The following FGF13 variants were observed in gnomAD, a reference collection of about 807,000 sequenced individuals.
FGF13 encodes the protein fibroblast growth factor homologous factor 2.
Under a neutral mutation model 19.5 loss-of-function variants are expected in FGF13, and 2 were observed. That is an observed-to-expected ratio of 0.10 (90% CI 0.04 to 0.32). The LOEUF is 0.32. FGF13 is among the 10% of genes least tolerant of loss of function. FGF13 has a pLI of 1.00. For missense variants in FGF13, 113 were observed against 192.7 expected, an observed-to-expected ratio of 0.59 and a Z score of 2.45; for synonymous variants, 72 against 76.9, an observed-to-expected ratio of 0.94 and a Z score of 0.33.
chrX:138,816,522 T>C (rs2090962673), intron 3 of FGF13, among the ~76,000 whole-genome samples: 1 of 112,879 alleles, frequency 8.9e-6, no homozygotes, highest in Non-Finnish European at 1.9e-5. Flanking sequence ...AGGCTACTTA[T>C]TGCAGCATTT....
chrX:138,724,116 T>C lies in FGF13; in HGVS notation c.28+15126A>G, dbSNP rs769144706. ...CGGAGCTTACTTTCCATCCAATATTTTGATTTTCTGGAAGACAGAAATAAG... is the reference window on the plus strand; with the variant it reads ...CGGAGCTTACTTTCCATCCAATATTCTGATTTTCTGGAAGACAGAAATAAG... On this transcript the variant is annotated intron_variant, in intron 1 of 4. Coordinates refer to the FGF13 transcript ENST00000305414. 7.6e-4 allele frequency among the ~76,000 whole-genome samples: 85 copies of C among 111,925 alleles called. 2 individuals carry two copies. The highest frequency in any genetic ancestry group is 1.5e-3 in the South Asian group (4 of 2,714).
At chrX:139,028,612 TGTGTGAGAGAGAGAGAGAGAGA>T (rs1382956800) in intron 1 of FGF13, among the ~76,000 whole-genome samples, 2 of 54,052 alleles carry the variant, frequency 3.7e-5, no homozygotes, top group East Asian at 7.4e-4. Flanking sequence ...TGTGTGTGTG[TGTGTGAGAGAGAGAGAGAGAGA>T]GTGTGTGTGT....
At position 138,730,761 on chromosome X, in the gene FGF13, C is replaced by T. The variant is rs191295231; in HGVS notation, c.28+8481G>A. ...AATTACAATAAAATGGACTGAAAAACGAAATAAAAGTCAGAATTTGGGAGC... is the reference window on the plus strand; with the variant it reads ...AATTACAATAAAATGGACTGAAAAATGAAATAAAAGTCAGAATTTGGGAGC... On this transcript the variant is annotated intron_variant, in intron 1 of 4. Transcript: ENST00000305414. 2.2e-3 allele frequency among the ~76,000 whole-genome samples: 239 copies of T among 110,725 alleles called. 1 individual carries two copies. Among genetic ancestry groups the T allele is most frequent in the Non-Finnish European group, 3.9e-3 (206 of 52,588 alleles).
chrX:138,747,540 T>C (rs751851633), intron 3 of FGF13, among the ~76,000 whole-genome samples: 47 of 111,799 alleles, frequency 4.2e-4, no homozygotes, highest in Non-Finnish European at 8.1e-4. Flanking sequence ...GGAATAAACA[T>C]ACTAATTTGC....
Position 138,641,369 on chromosome X carries a change from T to C in FGF13, c.403-5714A>G, listed in dbSNP as rs181726381. 4.5e-5 allele frequency among the ~76,000 whole-genome samples: 5 copies of C among 111,816 alleles called. No individual in the cohort carries two copies. In the Admixed American group the frequency reaches 4.7e-4, roughly 11 times the overall value. On this transcript the variant is annotated intron_variant, in intron 3 of 4. Coordinates refer to ENST00000315930, the MANE Select transcript of FGF13 (RefSeq NM_004114.5). ...TCCAGTCACATTTTCAGTAGCCTGA[T>C]CATTCCAATTAATTGAACAATTACT...
intron 3 of FGF13, among the ~76,000 whole-genome samples, chrX:138,753,241 C>T (rs1009559158): frequency 1.8e-5 from 2 of 112,055 alleles, no homozygotes; most frequent in Admixed American, 1.9e-4. Flanking sequence ...CTAGGAAAAG[C>T]TTTACTTATC....
intron 3 of FGF13, among the ~76,000 whole-genome samples, chrX:138,670,777 T>C (rs746072308): frequency 1.3e-4 from 15 of 111,904 alleles, no homozygotes; most frequent in Non-Finnish European, 3.8e-5. Context: ...AATACTCAAC[T>C]TATATTTACA....
chrX:138,962,452 C>T (rs889463863), intron 1 of FGF13, among the ~76,000 whole-genome samples: 14 of 112,071 alleles, frequency 1.2e-4, no homozygotes, highest in African/African-American at 4.5e-4. Context: ...CCTCAAGGAT[C>T]TAGAACTAGA....
intron 1 of FGF13, among the ~76,000 whole-genome samples, chrX:139,180,819 C>T (rs920661966): frequency 1.8e-5 from 2 of 111,763 alleles, no homozygotes; most frequent in Admixed American, 9.5e-5. Context: ...CCTCCAAATA[C>T]ATCCAGAAAA....
At chrX:138,721,201 G>T (rs1017799910) in intron 1 of FGF13, among the ~76,000 whole-genome samples, 1 of 111,508 alleles carries the variant, frequency 9.0e-6, no homozygotes, top group Admixed American at 9.5e-5. Context: ...GGAGACCAGA[G>T]ATTTTTCACA....
rs184154923 is a variant in FGF13, at chrX:138,621,728, A to T, written c.*11122T>A. 8.8e-4 allele frequency: 98 copies of T among 111,654 alleles called. No individual in the cohort carries two copies. The highest frequency in any genetic ancestry group is 3.0e-3 in the African/African-American group (94 of 30,826). 9.2% of individuals were successfully genotyped at this position (111,654 alleles called of 1,213,427 possible). On this transcript the variant is annotated 3_prime_UTR_variant, in exon 5 of 5. Coordinates refer to ENST00000315930, the MANE Select transcript of FGF13 (RefSeq NM_004114.5). ...AGTAACTGAGAGTGAAAGAGAAAAG[A>T]CATAAACAAATAAAATCAGAAATGA...
chrX:138,632,801 C>T lies in FGF13; in HGVS notation c.*49G>A. 7 of 1,165,905 alleles carry T rather than the reference C, an allele frequency of 6.0e-6. No homozygotes were observed. The highest frequency in any genetic ancestry group is 6.9e-6 in the Non-Finnish European group (6 of 865,764). Reference sequence around the variant, plus strand: ...AAGGACTGCTAGAAGAATTCAACAGCACCTGGAGGTAAGGTTCTGTTACAG... The same window carrying T: ...AAGGACTGCTAGAAGAATTCAACAGTACCTGGAGGTAAGGTTCTGTTACAG... On this transcript the variant is annotated 3_prime_UTR_variant, in exon 5 of 5. Coordinates refer to ENST00000315930, the MANE Select transcript of FGF13 (RefSeq NM_004114.5).
intron 1 of FGF13, among the ~76,000 whole-genome samples, chrX:139,190,703 T>G (rs186886109): frequency 1.2e-3 from 140 of 112,450 alleles, no homozygotes; most frequent in African/African-American, 4.1e-3. Flanking sequence ...ACCATAGAAC[T>G]GGATACCATA....
intron 3 of FGF13, among the ~76,000 whole-genome samples, chrX:138,814,006 T>C (rs1284969169): frequency 1.8e-5 from 2 of 110,406 alleles, no homozygotes; most frequent in Non-Finnish European, 3.8e-5. Flanking sequence ...TTAAATATAC[T>C]TTTCACATCC....
chrX:139,203,993 C>T, upstream of FGF13: 1 of 1,127,288 alleles, frequency 8.9e-7, no homozygotes, highest in East Asian at 3.0e-5. Flanking sequence ...CGGAGGGCGG[C>T]GCGCACGCGA....
chrX:139,087,210 C>G (rs1256673908), intron 1 of FGF13, among the ~76,000 whole-genome samples: 1 of 110,555 alleles, frequency 9.0e-6, no homozygotes, highest in Non-Finnish European at 1.9e-5. Flanking sequence ...GCAGGAGAAT[C>G]GCTTGAACCC....
chrX:138,993,357 G>A (rs2092027081), intron 1 of FGF13, among the ~76,000 whole-genome samples: 1 of 111,325 alleles, frequency 9.0e-6, no homozygotes, highest in Non-Finnish European at 1.9e-5. Flanking sequence ...TAAAATGAGG[G>A]GAAACTAAGT....
chrX:138,961,012 C>G (rs2091866849), intron 1 of FGF13, among the ~76,000 whole-genome samples: 1 of 111,451 alleles, frequency 9.0e-6, no homozygotes, highest in Middle Eastern at 4.2e-3. Flanking sequence ...CTACTTCTGT[C>G]AACTCGTCAA....
At chrX:139,086,599 G>A (rs538506948) in intron 1 of FGF13, among the ~76,000 whole-genome samples, 5 of 111,957 alleles carry the variant, frequency 4.5e-5, no homozygotes, top group African/African-American at 9.7e-5. Context: ...GATGGATACC[G>A]CAAGTACTCT....
Sources: allele counts gnomAD v4.1 joint callset (sites outside exome capture counted in the v4.1 genomes callset), GRCh38; gene constraint gnomAD v4.1.1; transcripts MANE v1.5; gene names NCBI Gene and HGNC (gene_info 2026-07-23, HGNC 2026-07-21).